FNDC3B: variants seen among roughly 807,000 people sequenced by gnomAD.
FNDC3B encodes the protein fibronectin type III domain containing 3B.
FNDC3B carries 12 observed loss-of-function variants against 151.5 expected under a neutral mutation model. The ratio of observed to expected loss-of-function variants is 0.08; its 90% CI spans 0.05 to 0.13. The LOEUF (loss-of-function observed/expected upper bound fraction) is 0.13, where lower values mean the gene tolerates loss of function less well. FNDC3B is among the 10% of genes least tolerant of loss of function. The pLI is 1.00. For synonymous variants in FNDC3B, 528 were observed against 549.0 expected, an observed-to-expected ratio of 0.96 and a Z score of 0.54; for missense variants, 1,214 against 1,505.3, an observed-to-expected ratio of 0.81 and a Z score of 3.20.
intron 25 of FNDC3B, among the ~76,000 whole-genome samples, chr3:172,385,122 T>A (rs1373383219): frequency 6.7e-6 from 1 of 149,294 alleles, no homozygotes; most frequent in East Asian, 1.9e-4. Flanking sequence ...AACTTAAACA[T>A]GATGTTTTAG....
At chr3:172,159,020 G>A (rs1722640656) in intron 3 of FNDC3B, among the ~76,000 whole-genome samples, 1 of 152,176 alleles carries the variant, frequency 6.6e-6, no homozygotes, top group South Asian at 2.1e-4. Context: ...GGTGGCTCAC[G>A]CCTGTAATCC....
chr3:172,391,728 A>G (rs958515408), intron 25 of FNDC3B, among the ~76,000 whole-genome samples: 1 of 152,222 alleles, frequency 6.6e-6, no homozygotes, highest in African/African-American at 2.4e-5. Flanking sequence ...GTGTCAGAAT[A>G]AATAGTATAC....
intron 7 of FNDC3B, among the ~76,000 whole-genome samples, chr3:172,291,337 G>A: frequency 6.6e-6 from 1 of 152,190 alleles, no homozygotes; most frequent in East Asian, 1.9e-4. Flanking sequence ...CCTTCAAGGT[G>A]CTCAAAAGCA....
intron 11 of FNDC3B, among the ~76,000 whole-genome samples, chr3:172,324,488 C>G (rs954058418): frequency 1.8e-4 from 27 of 152,308 alleles, no homozygotes; most frequent in Non-Finnish European, 3.7e-4. Context: ...AATGCGTCAT[C>G]CTGCGCCAGA....
chr3:172,263,969 A>G (rs1728792360), intron 6 of FNDC3B, among the ~76,000 whole-genome samples: 1 of 151,582 alleles, frequency 6.6e-6, no homozygotes, highest in East Asian at 1.9e-4. Flanking sequence ...TTTCTGTGTC[A>G]TTTCTTCATT....
chr3:172,202,098 G>C (rs1725185499), intron 3 of FNDC3B, among the ~76,000 whole-genome samples: 2 of 152,182 alleles, frequency 1.3e-5, no homozygotes, highest in Admixed American at 1.3e-4. Context: ...AACTGCAGTT[G>C]AGCTGGCAAA....
chr3:172,107,665 A>T (rs1719725867), intron 1 of FNDC3B, among the ~76,000 whole-genome samples: 1 of 152,198 alleles, frequency 6.6e-6, no homozygotes. Flanking sequence ...TCCAGAGATC[A>T]CACATCTGGC....
In FNDC3B at chr3:172,352,788, T is replaced by G; in HGVS notation, c.2515-15T>G. The G allele has an allele frequency of 6.2e-7, 1 of 1,610,286 alleles. No individual in the cohort carries two copies. The highest frequency in any genetic ancestry group is 8.5e-7 in the Non-Finnish European group (1 of 1,178,644). ...TGGTGTAATATGGCCTTTGTCTTGC[T>G]GTTCTGTTTTGTAGGCCTTCAATCA... On this transcript the variant is annotated splice_polypyrimidine_tract_variant and intron_variant, in intron 21 of 25. Transcript: ENST00000415807. The surrounding 1 kb of genome is among the most constrained non-coding windows in gnomAD (Gnocchi z 4.2).
intron 1 of FNDC3B, among the ~76,000 whole-genome samples, chr3:172,108,701 CT>C (rs1049025621): frequency 4.6e-5 from 7 of 152,384 alleles, no homozygotes; most frequent in Middle Eastern, 3.4e-3. Context: ...GGTTTCCCCA[CT>C]TCACAACCTG....
In FNDC3B at chr3:172,254,358, GT is replaced by G. The variant is rs112567257; in HGVS notation, c.790+2828del. The stretch of plus-strand genomic sequence containing the variant: ...ATCTTCATACCACTTTTGACTTCAT[GT>G]TTTTTTTTTTAATCAAACCTCCATT... On this transcript the variant is annotated intron_variant, in intron 6 of 25. Transcript: ENST00000415807. 4.8e-3 allele frequency among the ~76,000 whole-genome samples: 694 copies of G among 145,324 alleles called. 5 individuals carry two copies. The highest frequency in any genetic ancestry group is 0.015 in the African/African-American group (578 of 39,758).
chr3:172,159,412 A>G (rs974143020), intron 3 of FNDC3B, among the ~76,000 whole-genome samples: 10 of 152,322 alleles, frequency 6.6e-5, no homozygotes, highest in African/African-American at 2.4e-4. Context: ...GCTACATAGT[A>G]AGTCTTAACA....
chr3:172,326,467 A>G (rs898254413), intron 11 of FNDC3B, among the ~76,000 whole-genome samples: 3 of 152,196 alleles, frequency 2.0e-5, no homozygotes, highest in South Asian at 4.1e-4. Context: ...TGTAGTTTAT[A>G]TAGCAGTTGT....
chr3:172,186,684 C>T (rs894404201), intron 3 of FNDC3B: 6 of 696,892 alleles, frequency 8.6e-6, no homozygotes, highest in Non-Finnish European at 1.6e-5. Context: ...TTAGTACCTC[C>T]CTATCTTGAT....
chr3:172,183,684 T>C (rs1443285184), intron 3 of FNDC3B, among the ~76,000 whole-genome samples: 1 of 152,250 alleles, frequency 6.6e-6, no homozygotes, highest in Non-Finnish European at 1.5e-5. Flanking sequence ...TTAACTAAGA[T>C]AACCTGTTGA....
chr3:172,388,535 C>T (rs976805177), intron 25 of FNDC3B, among the ~76,000 whole-genome samples: 2 of 152,198 alleles, frequency 1.3e-5, no homozygotes, highest in Admixed American at 6.5e-5. Flanking sequence ...ATAAGGGTGC[C>T]TTTGTCAAAA....
intron 10 of FNDC3B, among the ~76,000 whole-genome samples, chr3:172,307,966 T>C (rs1264221703): frequency 6.6e-6 from 1 of 152,220 alleles, no homozygotes; most frequent in East Asian, 1.9e-4. Flanking sequence ...TATCACTTTC[T>C]AATAGTCTAG....
At chr3:172,112,182 G>A (rs1720009733) in intron 1 of FNDC3B, among the ~76,000 whole-genome samples, 1 of 152,218 alleles carries the variant, frequency 6.6e-6, no homozygotes, top group Non-Finnish European at 1.5e-5. Flanking sequence ...CTTTAAGCCT[G>A]ACTGAAGAAG....
At chr3:172,381,983 C>A (rs1236764812) in intron 25 of FNDC3B, among the ~76,000 whole-genome samples, 1 of 152,120 alleles carries the variant, frequency 6.6e-6, no homozygotes, top group Non-Finnish European at 1.5e-5. Context: ...TGGGTATATA[C>A]CCAGTAATGG....
intron 4 of FNDC3B, among the ~76,000 whole-genome samples, chr3:172,235,691 G>C (rs1388571937): frequency 6.6e-6 from 1 of 152,192 alleles, no homozygotes; most frequent in East Asian, 1.9e-4. Flanking sequence ...TTCATTTCTG[G>C]AAAGGTATAG....
Sources: allele counts gnomAD v4.1 joint callset (sites outside exome capture counted in the v4.1 genomes callset), GRCh38; gene constraint gnomAD v4.1.1; non-coding constraint Gnocchi (gnomAD v3.1); transcripts MANE v1.5; gene names NCBI Gene and HGNC (gene_info 2026-07-23, HGNC 2026-07-21).